The following POLE variants were observed in gnomAD, a reference collection of about 807,000 sequenced individuals.
POLE encodes DNA polymerase epsilon catalytic subunit A.
Under a neutral mutation model 279.2 loss-of-function variants are expected in POLE, and 188 were observed. The observed-to-expected ratio is 0.67, with a 90% confidence interval of 0.60 to 0.76. POLE has a LOEUF of 0.76. Among genes scored for constraint, POLE ranks in the 30% least tolerant of loss-of-function variants. POLE has a pLI of 0.00. For synonymous variants in POLE, 1,214 were observed against 1,172.5 expected (o/e 1.04, Z -0.72); for missense variants, 2,703 against 3,016.7 (o/e 0.90, Z 2.44).
intron 40 of POLE, 56 bp from the exon 41 acceptor site, chr12:132,638,195 G>A (rs1344309611): frequency 1.5e-5 from 23 of 1,558,386 alleles, no homozygotes; most frequent in South Asian, 7.0e-5. Context: ...GAGAGCCAGA[G>A]GGCACCCAGA....
chr12:132,669,248 T>C (rs1295055756), intron 16 of POLE, among the ~76,000 whole-genome samples: 1 of 152,104 alleles, frequency 6.6e-6, no homozygotes, highest in Non-Finnish European at 1.5e-5. Context: ...GAGGATCACT[T>C]GAGCCCAGGA....
chr12:132,659,574 C>T, intron 25 of POLE, 65 bp from the exon 26 acceptor site: 2 of 1,376,644 alleles, frequency 1.5e-6, no homozygotes, highest in Non-Finnish European at 1.0e-6. Context: ...TCACCCTGGA[C>T]TGTGCTCCTC....
rs201114228 is a variant in POLE, at chr12:132,625,789, C to G, written c.6532-19G>C. 11 of 1,604,942 alleles carry G rather than the reference C, an allele frequency of 6.9e-6. No individual in the cohort carries two copies. The Admixed American group carries it at 1.0e-4, about 15-fold the overall frequency. ...CCCCATCCTAGGCAGAGCAAGAGTG[C>G]GAGAGGTCACCAGCCCAGCCTCCAG... On this transcript the variant is annotated intron_variant, in intron 46 of 48. Transcript: ENST00000320574.
chr12:132,660,444 C>T (rs1434276548), intron 25 of POLE: 1 of 152,290 alleles, frequency 6.6e-6, no homozygotes, highest in Non-Finnish European at 1.5e-5. Flanking sequence ...ACGCCTGTGC[C>T]TGGGAAACAT....
rs777695766 is a variant in POLE, at chr12:132,641,713, G to A, written c.5312C>T (p.Thr1771Met). Residue 1771 changes from threonine to methionine, a missense_variant, in exon 39 of 49, where the codon ACG (threonine) becomes ATG (methionine). This residue lies in a region of POLE where 1,551 missense variants were observed against 1,686.1 expected (regional missense o/e 0.92). Coordinates refer to ENST00000320574, the MANE Select transcript of POLE (RefSeq NM_006231.4). ...CGGGGCACTGGCAGCCTGACCACCC[G>A]TGATCATGTCCTCCAGGGAGGCCTG... is the stretch of plus-strand genomic sequence containing the variant. ...IQQASLEDMI[T>M]GGQAASAPAS... is the part of the protein sequence containing the mutation. 4.1e-5 allele frequency: 66 copies of A among 1,613,480 alleles called. No individual in the cohort carries two copies. Among genetic ancestry groups the A allele is most frequent in the Middle Eastern group, 1.6e-4 (1 of 6,082 alleles).
chr12:132,662,905 T>C (rs2042710420), intron 23 of POLE, among the ~76,000 whole-genome samples: 1 of 151,902 alleles, frequency 6.6e-6, no homozygotes, highest in Admixed American at 6.6e-5. Flanking sequence ...AGCAGACAAA[T>C]AAACGAGAAC....
intron 45 of POLE, among the ~76,000 whole-genome samples, chr12:132,629,618 C>G (rs1018345454): frequency 6.6e-6 from 1 of 152,220 alleles, no homozygotes; most frequent in African/African-American, 2.4e-5. Flanking sequence ...CTTCATGGAA[C>G]TGAACAGAGT....
rs888690702 is a variant in POLE, at chr12:132,649,854, C to T, written c.3618G>A (p.Arg1206=). The T allele has an allele frequency of 6.8e-6, 11 of 1,613,974 alleles. No individual in the cohort carries two copies. Among genetic ancestry groups the T allele is most frequent in the African/African-American group, 1.3e-5 (1 of 74,914 alleles). ...TMAEASEDSP[R]PSAPDMEDFG... ...AGTCCTCCATGTCAGGAGCACTTGGCCTCGGACTGTCTTCTGAGGCCTCGG... is the reference window on the plus strand; with the variant it reads ...AGTCCTCCATGTCAGGAGCACTTGGTCTCGGACTGTCTTCTGAGGCCTCGG... The change falls in exon 30 of 49, where the codon AGG becomes AGA. Residue 1206 remains arginine (R), a synonymous_variant. Coordinates refer to ENST00000320574, the MANE Select transcript of POLE (RefSeq NM_006231.4).
Position 132,643,456 on chromosome 12 carries a change from A to C in POLE, c.4395T>G (p.Leu1465=). The C allele has an allele frequency of 6.2e-7, 1 of 1,614,236 alleles. No homozygotes were observed. The highest frequency in any genetic ancestry group is 8.5e-7 in the Non-Finnish European group (1 of 1,180,054). ...LSGWEAETFA[L]EHLEMRSLAQ... ...CCAGAGAGCGCATCTCCAGGTGCTC[A>C]AGAGCAAAGGTCTCTGCTTCCCAGC... is the stretch of plus-strand genomic sequence containing the variant. The change falls in exon 34 of 49, where the codon CTT becomes CTG. Residue 1465 remains leucine (L), a synonymous_variant. Coordinates refer to ENST00000320574, the MANE Select transcript of POLE (RefSeq NM_006231.4).
chr12:132,631,750 C>G (rs1165048245), intron 45 of POLE, among the ~76,000 whole-genome samples: 4 of 152,194 alleles, frequency 2.6e-5, no homozygotes, highest in Admixed American at 2.6e-4. Context: ...CTACTGGTCT[C>G]CGGTGACCCA....
rs760868103 is a variant in POLE at position 132,677,459 on chromosome 12, T to C, written c.721-16A>G. ...ACCAATGAGCCTGCAAAACACACAG[T>C]GTGCTAACTAGAGTTCTACATCCAG... On this transcript the variant is annotated splice_polypyrimidine_tract_variant and intron_variant, in intron 7 of 48. Transcript: ENST00000320574. 2 of 1,612,014 alleles carry C rather than the reference T, an allele frequency of 1.2e-6. No homozygotes were observed. Among genetic ancestry groups the C allele is most frequent in the Non-Finnish European group, 1.7e-6 (2 of 1,178,080 alleles).
chr12:132,665,544 T>C, intron 20 of POLE, 94 bp from the exon 21 acceptor site: 1 of 1,413,294 alleles, frequency 7.1e-7, no homozygotes, highest in Non-Finnish European at 9.4e-7. Flanking sequence ...TTGAAAATTT[T>C]CAAATCTATA....
intron 1 of POLE, among the ~76,000 whole-genome samples, chr12:132,681,797 C>T (rs2043173006): frequency 6.6e-6 from 1 of 152,228 alleles, no homozygotes; most frequent in South Asian, 2.1e-4. Context: ...TGGCTAGACA[C>T]TGTTGCCTCT....
Position 132,675,822 on chromosome 12 carries a change from T to TA in POLE, c.1021-3_1021-2insT, listed in dbSNP as rs2043038171. The TA allele has an allele frequency of 6.2e-7, 1 of 1,612,114 alleles. No homozygotes were observed. The highest frequency in any genetic ancestry group is 8.5e-7 in the Non-Finnish European group (1 of 1,178,224). Reference sequence around the variant, plus strand: ...AAACCACCTTTGGATCAGATGAGCCTGAACCCAAGTCACAGCAGTCAGAGG... The same window carrying TA: ...AAACCACCTTTGGATCAGATGAGCCTAGAACCCAAGTCACAGCAGTCAGAGG... On this transcript the variant is annotated splice_polypyrimidine_tract_variant and splice_region_variant and intron_variant, in intron 10 of 48. Transcript: ENST00000320574. The surrounding 1 kb of genome is among the most constrained non-coding windows in gnomAD (Gnocchi z 4.3).
chr12:132,633,056 A>C, intron 43 of POLE: 5 of 372,772 alleles, frequency 1.3e-5, no homozygotes, highest in East Asian at 4.7e-5. Flanking sequence ...TAAGCCTCTC[A>C]CTGGGTAGCG....
At chr12:132,679,003 G>A (rs547121889) in intron 6 of POLE, among the ~76,000 whole-genome samples, 2 of 152,188 alleles carry the variant, frequency 1.3e-5, no homozygotes, top group African/African-American at 4.8e-5. Flanking sequence ...AGGTTCTTCC[G>A]AAGTCATCTA....
rs756308223 is a variant in POLE, at chr12:132,659,277, G to A, written c.3275+18C>T. The A allele has an allele frequency of 1.2e-6, 2 of 1,611,226 alleles. No individual in the cohort carries two copies. The highest frequency in any genetic ancestry group is 1.7e-6 in the Non-Finnish European group (2 of 1,178,558). ...ATGGGAGGAGCCCTCACCTCTCCGTGATGGGGGGAGCCCTCACCTCTCCGT... is the reference window on the plus strand; with the variant it reads ...ATGGGAGGAGCCCTCACCTCTCCGTAATGGGGGGAGCCCTCACCTCTCCGT... On this transcript the variant is annotated intron_variant, in intron 26 of 48. Coordinates refer to ENST00000320574, the MANE Select transcript of POLE (RefSeq NM_006231.4).
chr12:132,677,213 A>G (rs1205291444), intron 8 of POLE, 150 bp downstream of exon 8: 1 of 659,876 alleles, frequency 1.5e-6, no homozygotes, highest in Non-Finnish European at 2.7e-6. Flanking sequence ...GAAACTGATG[A>G]AAAATTCTAA....
intron 12 of POLE, 22 bp from the exon 13 acceptor site, chr12:132,673,729 A>C (rs1360285703): frequency 6.2e-7 from 1 of 1,612,252 alleles, no homozygotes; most frequent in African/African-American, 1.3e-5. Flanking sequence ...ATGAGAACAG[A>C]AGCCAGGATG....
Sources: gnomAD v4.1 joint callset for allele counts (sites outside exome capture counted in the v4.1 genomes callset) on GRCh38, gnomAD v4.1.1 for gene constraint, gnomAD v4.1.1 regional missense constraint, Gnocchi (gnomAD v3.1) non-coding constraint, MANE v1.5 for transcripts, NCBI Gene and HGNC (gene_info 2026-07-23, HGNC 2026-07-21) for gene names.